DOCK1: variants seen among roughly 807,000 people sequenced by gnomAD.
DOCK1 encodes the protein dedicator of cytokinesis 1, also known as dedicator of cytokinesis protein 1.
DOCK1 carries 138 observed loss-of-function variants against 262.7 expected under a neutral mutation model. The ratio of observed to expected loss-of-function variants is 0.53; its 90% CI spans 0.46 to 0.61. The LOEUF is 0.61. DOCK1 is among the 20% of genes least tolerant of loss of function. The pLI is 0.00. For synonymous variants in DOCK1, 866 were observed against 867.4 expected, an observed-to-expected ratio of 1.00 and a Z score of 0.03; for missense variants, 1,908 against 2,370.7, an observed-to-expected ratio of 0.80 and a Z score of 4.05.
In DOCK1 at chr10:127,176,254, G is replaced by T; in HGVS notation, c.2847+48490G>T. 5 of 1,614,128 alleles carry T rather than the reference G, an allele frequency of 3.1e-6. No homozygotes were observed. The highest frequency in any genetic ancestry group is 3.4e-6 in the Non-Finnish European group (4 of 1,180,032). The stretch of plus-strand genomic sequence containing the variant: ...TGTGCCTCGCAGATATCCTTAAACC[G>T]CACCTGCAGGGCTTTGTTCCGTTTT... On this transcript the variant is annotated intron_variant, in intron 27 of 51. Coordinates refer to ENST00000623213, the MANE Select transcript of DOCK1 (RefSeq NM_001290223.2). This position sits in a 1 kb window ranked among gnomAD's most constrained non-coding sequence, Gnocchi z 4.4.
At position 127,168,525 on chromosome 10, in the gene DOCK1, G is replaced by A. The variant is rs150593907; in HGVS notation, c.2847+40761G>A. On this transcript the variant is annotated intron_variant, in intron 27 of 51. Transcript: ENST00000623213. Reference sequence around the variant, plus strand: ...TCAGTATTCCAGAGAAGAGCCACAAGATCATTTTCAGGACTGCAGAGGCTG... The same window carrying A: ...TCAGTATTCCAGAGAAGAGCCACAAAATCATTTTCAGGACTGCAGAGGCTG... Among the ~76,000 whole-genome samples the A allele has an allele frequency of 2.3e-4, 35 of 152,358 alleles. No homozygotes were observed. In the East Asian group the frequency reaches 5.6e-3, roughly 24 times the overall value.
chr10:127,351,221 G>A (rs1000357383), intron 31 of DOCK1, among the ~76,000 whole-genome samples: 1 of 152,086 alleles, frequency 6.6e-6, no homozygotes, highest in African/African-American at 2.4e-5. Context: ...CCTCCTAAGC[G>A]TAGGTTCTCC....
chr10:127,298,925 G>A (rs1402015317), intron 29 of DOCK1, among the ~76,000 whole-genome samples: 2 of 152,114 alleles, frequency 1.3e-5, no homozygotes, highest in Non-Finnish European at 2.9e-5. Flanking sequence ...ATCTCGAGGT[G>A]GTCCAGGGAG....
At chr10:126,910,889 G>A (rs1484842759) in intron 1 of DOCK1, among the ~76,000 whole-genome samples, 1 of 152,148 alleles carries the variant, frequency 6.6e-6, no homozygotes, top group Non-Finnish European at 1.5e-5. Context: ...ATATTCATCC[G>A]GGTGTTGCTT....
intron 26 of DOCK1, 100 bp downstream of exon 26, chr10:127,125,701 T>C: frequency 6.7e-7 from 1 of 1,494,610 alleles, no homozygotes; most frequent in Admixed American, 2.4e-5. Context: ...GGTCTTGATT[T>C]TAAGGTCTAG....
chr10:126,981,357 T>G (rs2038962900), intron 3 of DOCK1, among the ~76,000 whole-genome samples: 1 of 152,222 alleles, frequency 6.6e-6, no homozygotes, highest in Admixed American at 6.5e-5. Flanking sequence ...TGCATTGCAC[T>G]TGAGGGAGGC....
intron 1 of DOCK1, among the ~76,000 whole-genome samples, chr10:126,951,808 T>G (rs1343063797): frequency 6.6e-6 from 1 of 151,578 alleles, no homozygotes; most frequent in South Asian, 2.1e-4. Context: ...TTACATTGGG[T>G]GTACACTGAG....
intron 1 of DOCK1, among the ~76,000 whole-genome samples, chr10:126,922,209 CA>C (rs1213635501): frequency 0.12 from 7,790 of 63,936 alleles, 137 homozygotes; most frequent in Middle Eastern, 0.19. Context: ...GACCCTGTAT[CA>C]AAAAAAAAAA....
At chr10:127,409,741 T>C (rs7918010) in intron 42 of DOCK1, among the ~76,000 whole-genome samples, 102,111 of 152,044 alleles carry the variant, frequency 0.67, 34,590 homozygotes, top group East Asian at 0.75. Context: ...AAGTCCTGCC[T>C]GTTCCCAGCA....
Position 126,990,533 on chromosome 10 carries a change from G to A in DOCK1, c.403G>A (p.Gly135Arg). The A allele has an allele frequency of 6.2e-7, 1 of 1,613,612 alleles. No individual in the cohort carries two copies. Among genetic ancestry groups the A allele is most frequent in the Non-Finnish European group, 8.5e-7 (1 of 1,179,814 alleles). Residue 135 changes from glycine (G) to arginine (R), a missense_variant, in exon 6 of 52, where the codon GGA becomes AGA. Gly to Arg is a moderately radical substitution (Grantham distance 125, BLOSUM62 -2). Around this residue, in one of 9 missense-constraint regions of DOCK1, gnomAD observed 227 missense variants for 254.1 expected, o/e 0.89. Transcript: ENST00000623213. ...LIEWRSQILS[G>R]TLPQDELKEL... The stretch of plus-strand genomic sequence containing the variant: ...TGAATGGCGATCACAAATTCTTTCT[G>A]GAACTCTGCCTCAGGATGAACTCAA...
At chr10:127,274,867 G>A (rs77160829) in intron 29 of DOCK1, among the ~76,000 whole-genome samples, 8,870 of 152,142 alleles carry the variant, frequency 0.058, 328 homozygotes, top group Non-Finnish European at 0.086. Context: ...GAATTTGTGG[G>A]GTAGGGTGTG....
At chr10:127,020,723 G>C (rs1042476039) in intron 13 of DOCK1, among the ~76,000 whole-genome samples, 1 of 152,132 alleles carries the variant, frequency 6.6e-6, no homozygotes, top group Non-Finnish European at 1.5e-5. Flanking sequence ...GGTCATCTGC[G>C]TTCTCTGTTG....
At chr10:127,106,193 C>T (rs757341305) in intron 23 of DOCK1, 38 bp from the exon 24 acceptor site, 40 of 1,557,946 alleles carry the variant, frequency 2.6e-5, no homozygotes, top group Non-Finnish European at 3.4e-5. Flanking sequence ...ACTCCCTAAC[C>T]TGCATGCTGC....
chr10:127,171,712 T>A (rs1435001693), intron 27 of DOCK1, among the ~76,000 whole-genome samples: 1 of 152,164 alleles, frequency 6.6e-6, no homozygotes, highest in South Asian at 2.1e-4. Context: ...GATTTTATTT[T>A]TATTTTTTTG....
intron 23 of DOCK1, among the ~76,000 whole-genome samples, chr10:127,102,969 G>A (rs569489608): frequency 2.6e-5 from 4 of 152,170 alleles, no homozygotes; most frequent in East Asian, 3.9e-4. Flanking sequence ...TCCCCTGCCC[G>A]CTTCCCCACC....
chr10:126,981,096 C>T (rs989097913), intron 3 of DOCK1, among the ~76,000 whole-genome samples: 9 of 152,002 alleles, frequency 5.9e-5, no homozygotes, highest in African/African-American at 1.7e-4. Flanking sequence ...TACAGGTGCC[C>T]GCCACCACAC....
intron 18 of DOCK1, among the ~76,000 whole-genome samples, chr10:127,032,600 C>G (rs11018228): frequency 0.054 from 8,283 of 152,266 alleles, 252 homozygotes; most frequent in Non-Finnish European, 0.068. Flanking sequence ...GTTGCCCAGG[C>G]TGGAGTGCAG....
At chr10:127,343,931 A>C (rs7077235) in intron 31 of DOCK1, among the ~76,000 whole-genome samples, 185 bp downstream of exon 31, 414 of 152,370 alleles carry the variant, frequency 2.7e-3, no homozygotes, top group African/African-American at 9.5e-3. Context: ...CTAAAATTGC[A>C]GGACTCATCC....
In DOCK1 at chr10:127,362,074, G is replaced by T. The variant is rs760626662; in HGVS notation, c.3294G>T (p.Lys1098Asn). 3.1e-6 allele frequency: 5 copies of T among 1,609,748 alleles called. No homozygotes were observed. Among genetic ancestry groups the T allele is most frequent in the Non-Finnish European group, 4.2e-6 (5 of 1,178,772 alleles). ...RDMWYNLGQH[K>N]IKFIPEMVGP... ...CCTCTTTTTTCCAAGGTCAACACAA[G>T]ATAAAGTTCATTCCAGAAATGGTGG... Residue 1098 changes from lysine (K) to asparagine (N), a missense_variant, in exon 33 of 52, where the codon AAG becomes AAT. This residue lies in a region of DOCK1 where 518 missense variants were observed against 575.1 expected (regional missense o/e 0.90). Transcript: ENST00000623213.
Sources: gnomAD v4.1 joint callset for allele counts (sites outside exome capture counted in the v4.1 genomes callset) on GRCh38, gnomAD v4.1.1 for gene constraint, gnomAD v4.1.1 regional missense constraint, Gnocchi (gnomAD v3.1) non-coding constraint, MANE v1.5 for transcripts, NCBI Gene and HGNC (gene_info 2026-07-23, HGNC 2026-07-21) for gene names.